Variants in FAM135A observed in about 807,000 individuals in gnomAD.
FAM135A encodes the protein family with sequence similarity 135 member A, also known as protein FAM135A.
A neutral mutation model predicts 146.8 loss-of-function variants in FAM135A; 79 were observed. The ratio of observed to expected loss-of-function variants is 0.54; its 90% confidence interval spans 0.45 to 0.65. The LOEUF is 0.65. Among genes scored for constraint, FAM135A ranks in the 30% least tolerant of loss-of-function variants. The pLI, the probability that FAM135A is intolerant of heterozygous loss-of-function variation, is 0.00. For missense variants in FAM135A, 1,623 were observed against 1,758.2 expected (o/e 0.92, Z 1.38); for synonymous variants, 562 against 603.6 (o/e 0.93, Z 1.01).
rs190844678 is a variant in FAM135A, at chr6:70,520,951, A to C, written c.1030-1562A>C. 1.9e-3 allele frequency among the ~76,000 whole-genome samples: 295 copies of C among 152,374 alleles called. 1 individual carries two copies. The highest frequency in any genetic ancestry group is 2.6e-3 in the Non-Finnish European group (175 of 68,038). On this transcript the variant is annotated intron_variant, in intron 12 of 21. Coordinates refer to ENST00000418814, the MANE Select transcript of FAM135A (RefSeq NM_001162529.3). ...AAAGGAAAAGGTAAGTGTTTGGAGC[A>C]CAAGAACTGGAGTTTCTCAAATCTT... is the stretch of plus-strand genomic sequence containing the variant.
intron 20 of FAM135A, among the ~76,000 whole-genome samples, chr6:70,546,859 G>T (rs1377452828): frequency 6.6e-6 from 1 of 152,076 alleles, no homozygotes; most frequent in Non-Finnish European, 1.5e-5. Flanking sequence ...TCTCAGCATT[G>T]GATAGCAGGG....
chr6:70,551,862 T>G (rs559176365), intron 20 of FAM135A, among the ~76,000 whole-genome samples: 7 of 152,122 alleles, frequency 4.6e-5, no homozygotes, highest in Non-Finnish European at 7.4e-5. Context: ...ACATCAAAGA[T>G]CACTGATCAC....
intron 2 of FAM135A, among the ~76,000 whole-genome samples, chr6:70,417,999 A>C (rs913216272): frequency 6.6e-6 from 1 of 152,200 alleles, no homozygotes; most frequent in Admixed American, 6.5e-5. Flanking sequence ...CCTCTCCACC[A>C]AAGAGAAAAA....
chr6:70,532,028 G>A (rs572268681), intron 16 of FAM135A, among the ~76,000 whole-genome samples: 38 of 150,918 alleles, frequency 2.5e-4, no homozygotes, highest in Non-Finnish European at 3.4e-4. Flanking sequence ...GATTACAGGC[G>A]TCTGCCACCA....
At chr6:70,437,477 A>G (rs1773438396) in intron 4 of FAM135A, among the ~76,000 whole-genome samples, 1 of 152,048 alleles carries the variant, frequency 6.6e-6, no homozygotes, top group Admixed American at 6.6e-5. Context: ...CCTACAAAGA[A>G]ATAAGAGTTT....
At chr6:70,440,006 A>G (rs530771821) in intron 4 of FAM135A, among the ~76,000 whole-genome samples, 51 of 152,206 alleles carry the variant, frequency 3.4e-4, no homozygotes, top group Non-Finnish European at 6.2e-4. Context: ...CTTGATATCA[A>G]ATAATCCAGT....
At chr6:70,421,287 T>C (rs1430461863) in intron 2 of FAM135A, among the ~76,000 whole-genome samples, 1 of 152,182 alleles carries the variant, frequency 6.6e-6, no homozygotes, top group African/African-American at 2.4e-5. Flanking sequence ...TTTACACTGC[T>C]TCTGTGTTTG....
chr6:70,450,724 T>G (rs1451506797), intron 4 of FAM135A, among the ~76,000 whole-genome samples: 2 of 54,738 alleles, frequency 3.7e-5, no homozygotes, highest in East Asian at 4.4e-4. Context: ...TTGTTTTTTT[T>G]TTTTTTTTTT....
chr6:70,533,620 ACACT>A, intron 17 of FAM135A, 133 bp from the exon 18 acceptor site: 1 of 597,954 alleles, frequency 1.7e-6, no homozygotes, highest in Non-Finnish European at 2.8e-6. Flanking sequence ...TAAAAAAATT[ACACT>A]CACTAACTTC....
At chr6:70,532,228 ATG>A (rs1315850297) in intron 16 of FAM135A, among the ~76,000 whole-genome samples, 1 of 152,062 alleles carries the variant, frequency 6.6e-6, no homozygotes, top group Non-Finnish European at 1.5e-5. Flanking sequence ...CTGTTCAAAC[ATG>A]TTATAACAAA....
At chr6:70,415,715 TAGTG>T (rs1767412248) in intron 2 of FAM135A, among the ~76,000 whole-genome samples, 1 of 152,180 alleles carries the variant, frequency 6.6e-6, no homozygotes, top group Non-Finnish European at 1.5e-5. Context: ...CTGGTATTTT[TAGTG>T]AGTTGGTTCC....
rs1791012023 is a variant in FAM135A, at chr6:70,511,570, A to AT, written c.1029+8785dup. The stretch of plus-strand genomic sequence containing the variant: ...CTTGCCTGATATCAGGATATATTTG[A>AT]TTTTTTAAAAAATTGAGAGTCCTCA... On this transcript the variant is annotated intron_variant, in intron 12 of 21. Coordinates refer to ENST00000418814, the MANE Select transcript of FAM135A (RefSeq NM_001162529.3). Among the ~76,000 whole-genome samples the AT allele has an allele frequency of 2.0e-5, 3 of 147,746 alleles. No individual in the cohort carries two copies. The South Asian group carries it at 6.4e-4, about 32-fold the overall frequency.
At chr6:70,535,502 G>A (rs564761330) in intron 18 of FAM135A, among the ~76,000 whole-genome samples, 23 of 152,112 alleles carry the variant, frequency 1.5e-4, no homozygotes, top group African/African-American at 4.8e-4. Flanking sequence ...ATTTGTGAAC[G>A]CTATTTTAAA....
intron 5 of FAM135A, among the ~76,000 whole-genome samples, chr6:70,464,667 C>CTTTTTTTTTTT (rs533623758): frequency 6.0e-5 from 6 of 99,376 alleles, no homozygotes; most frequent in Non-Finnish European, 1.1e-4. Flanking sequence ...TCTTTTTTTT[C>CTTTTTTTTTTT]TTTTTTTTTT....
chr6:70,492,479 C>G (rs1054207083), intron 11 of FAM135A, among the ~76,000 whole-genome samples: 12 of 151,320 alleles, frequency 7.9e-5, no homozygotes, highest in Admixed American at 2.6e-4. Flanking sequence ...CAATAAAAAC[C>G]TAAGGGACAA....
At chr6:70,543,582 C>T (rs1230464808) in intron 20 of FAM135A, among the ~76,000 whole-genome samples, 1 of 152,078 alleles carries the variant, frequency 6.6e-6, no homozygotes, top group Non-Finnish European at 1.5e-5. Context: ...GATCAAATTA[C>T]AAAATATTCC....
chr6:70,457,545 A>G (rs1303730053), intron 5 of FAM135A, among the ~76,000 whole-genome samples: 1 of 152,220 alleles, frequency 6.6e-6, no homozygotes, highest in East Asian at 1.9e-4. Context: ...TCACCAGAAA[A>G]GTGGACATTT....
rs1773028263 is a variant in FAM135A at position 70,435,972 on chromosome 6, T to C, written c.77+7553T>C. On this transcript the variant is annotated intron_variant, in intron 4 of 21. Transcript: ENST00000418814. Reference sequence around the variant, plus strand: ...GCCGAAGCAGGCTGATCACCTGAGGTCAGGAGTTCGAGACCAACCTGGCCA... The same window carrying C: ...GCCGAAGCAGGCTGATCACCTGAGGCCAGGAGTTCGAGACCAACCTGGCCA... 2.6e-5 allele frequency among the ~76,000 whole-genome samples: 4 copies of C among 152,118 alleles called. No homozygotes were observed. The South Asian group carries it at 6.3e-4, about 24-fold the overall frequency.
At chr6:70,446,999 T>C (rs1775897797) in intron 4 of FAM135A, among the ~76,000 whole-genome samples, 1 of 152,240 alleles carries the variant, frequency 6.6e-6, no homozygotes, top group Non-Finnish European at 1.5e-5. Flanking sequence ...TCCCAGGTTG[T>C]CCATCGGGCC....
Sources: allele counts gnomAD v4.1 joint callset (sites outside exome capture counted in the v4.1 genomes callset), GRCh38; gene constraint gnomAD v4.1.1; transcripts MANE v1.5; gene names NCBI Gene and HGNC (gene_info 2026-07-23, HGNC 2026-07-21).